Variants in CNTN5 observed in about 807,000 individuals in gnomAD.
CNTN5 encodes the protein contactin-5.
A neutral mutation model predicts 129.1 loss-of-function variants in CNTN5; 77 were observed. That is an observed-to-expected ratio of 0.60 (90% CI 0.50 to 0.72). The LOEUF is 0.72. CNTN5 is among the 30% of genes least tolerant of loss of function. The pLI, the probability that CNTN5 is intolerant of heterozygous loss-of-function variation, is 0.00. For synonymous variants in CNTN5, 509 were observed against 465.6 expected, an observed-to-expected ratio of 1.09 and a Z score of -1.20; for missense variants, 1,478 against 1,328.8, an observed-to-expected ratio of 1.11 and a Z score of -1.75.
chr11:100,235,784 G>A (rs1949600896), intron 16 of CNTN5, among the ~76,000 whole-genome samples: 1 of 152,120 alleles, frequency 6.6e-6, no homozygotes, highest in Non-Finnish European at 1.5e-5. Context: ...GTTGTCCCAT[G>A]ATGAATGCCC....
chr11:100,089,854 T>C (rs1330686388), intron 13 of CNTN5, among the ~76,000 whole-genome samples: 1 of 151,636 alleles, frequency 6.6e-6, no homozygotes, highest in Non-Finnish European at 1.5e-5. Flanking sequence ...TGAAAACAGA[T>C]GAACACAGGG....
intron 18 of CNTN5, among the ~76,000 whole-genome samples, chr11:100,278,045 A>G (rs1453404777): frequency 1.3e-5 from 2 of 152,114 alleles, no homozygotes; most frequent in Non-Finnish European, 2.9e-5. Context: ...CAGTTTTCCC[A>G]GAACTATTTA....
rs1229616296 is a variant in CNTN5, at chr11:100,207,017, T to C, written c.1884+13354T>C. ...CAATGTCAGGAAAAATGTGATAACT[T>C]TGTTCACTTTGCAAACACTTAATGG... On this transcript the variant is annotated intron_variant, in intron 15 of 24. Coordinates refer to ENST00000524871, the MANE Select transcript of CNTN5 (RefSeq NM_014361.4). 5.5e-4 allele frequency among the ~76,000 whole-genome samples: 83 copies of C among 152,118 alleles called. 1 individual carries two copies. Among genetic ancestry groups the C allele is most frequent in the Non-Finnish European group, 4.4e-5 (3 of 67,984 alleles).
At chr11:99,705,795 A>C (rs965370575) in intron 3 of CNTN5, among the ~76,000 whole-genome samples, 12 of 151,366 alleles carry the variant, frequency 7.9e-5, no homozygotes, top group Non-Finnish European at 1.5e-5. Context: ...TTTTGAACAG[A>C]GACTGTGGAG....
At chr11:99,797,914 T>A (rs1458603277) in intron 3 of CNTN5, among the ~76,000 whole-genome samples, 1 of 152,194 alleles carries the variant, frequency 6.6e-6, no homozygotes, top group Non-Finnish European at 1.5e-5. Context: ...TAAAATCATT[T>A]AAAAATATAG....
chr11:99,647,393 C>T (rs561973357), intron 3 of CNTN5, among the ~76,000 whole-genome samples: 1 of 152,018 alleles, frequency 6.6e-6, no homozygotes, highest in South Asian at 2.1e-4. Flanking sequence ...TTCCATTGGT[C>T]TATGTGTTTG....
intron 2 of CNTN5, among the ~76,000 whole-genome samples, chr11:99,353,127 A>G (rs1185344483): frequency 1.3e-5 from 2 of 152,166 alleles, no homozygotes; most frequent in African/African-American, 4.8e-5. Context: ...GGAAATAGAA[A>G]GACACTATAC....
chr11:100,212,726 A>AT lies in CNTN5; in HGVS notation c.1885-11959dup, dbSNP rs1009224422. The stretch of plus-strand genomic sequence containing the variant: ...CTTTATCTAGTTCTAAAGTTTGGTG[A>AT]TTTTTTTCATTTATATTCAAAAAGT... On this transcript the variant is annotated intron_variant, in intron 15 of 24. Transcript: ENST00000524871. Among the ~76,000 whole-genome samples, 125 of 151,964 alleles carry AT rather than the reference A, an allele frequency of 8.2e-4. 1 individual carries two copies. The highest frequency in any genetic ancestry group is 1.4e-3 in the Non-Finnish European group (96 of 67,952).
intron 9 of CNTN5, among the ~76,000 whole-genome samples, chr11:100,011,660 A>G (rs770570): frequency 0.043 from 6,510 of 152,252 alleles, 487 homozygotes; most frequent in African/African-American, 0.15. Flanking sequence ...TCTTTCAGAT[A>G]CCATTTACAA....
chr11:99,088,489 G>C (rs1866092653), intron 1 of CNTN5, among the ~76,000 whole-genome samples: 1 of 152,056 alleles, frequency 6.6e-6, no homozygotes, highest in Admixed American at 6.6e-5. Flanking sequence ...TAAAAATAAG[G>C]TATAAATCTT....
chr11:99,617,373 A>G (rs769600497), intron 3 of CNTN5, among the ~76,000 whole-genome samples: 8 of 152,154 alleles, frequency 5.3e-5, no homozygotes, highest in Admixed American at 2.0e-4. Flanking sequence ...ATAATAGTAC[A>G]TTTTCAAGGA....
At chr11:99,759,601 G>A (rs1012057302) in intron 3 of CNTN5, among the ~76,000 whole-genome samples, 1 of 151,638 alleles carries the variant, frequency 6.6e-6, no homozygotes, top group African/African-American at 2.4e-5. Context: ...ATTAATTCAG[G>A]TGTGAAGTCA....
intron 3 of CNTN5, among the ~76,000 whole-genome samples, chr11:99,700,671 C>T (rs1179739945): frequency 6.6e-5 from 10 of 151,314 alleles, no homozygotes; most frequent in Middle Eastern, 3.4e-3. Flanking sequence ...GGCCGAGTAA[C>T]GGTAAAAGAA....
At chr11:99,725,491 T>A (rs1021368709) in intron 3 of CNTN5, among the ~76,000 whole-genome samples, 2 of 151,808 alleles carry the variant, frequency 1.3e-5, no homozygotes, top group Admixed American at 1.3e-4. Flanking sequence ...AATACAGAAG[T>A]GTTTTATAAA....
intron 9 of CNTN5, among the ~76,000 whole-genome samples, chr11:100,054,618 T>C (rs769340844): frequency 1.3e-5 from 2 of 151,838 alleles, no homozygotes; most frequent in Non-Finnish European, 3.0e-5. Flanking sequence ...TTCTCCAGTA[T>C]GCATTCGTTT....
At chr11:99,099,413 T>C (rs906859930) in intron 1 of CNTN5, among the ~76,000 whole-genome samples, 1 of 152,130 alleles carries the variant, frequency 6.6e-6, no homozygotes, top group Non-Finnish European at 1.5e-5. Flanking sequence ...CTGAGTCTTT[T>C]CTACTGTGTA....
At chr11:99,755,406 G>T (rs1486123591) in intron 3 of CNTN5, among the ~76,000 whole-genome samples, 1 of 152,114 alleles carries the variant, frequency 6.6e-6, no homozygotes, top group African/African-American at 2.4e-5. Flanking sequence ...CAGTGTTCTA[G>T]ATTTTGGGCA....
At chr11:100,235,481 G>GTAGA (rs1949592378) in intron 16 of CNTN5, among the ~76,000 whole-genome samples, 1 of 152,140 alleles carries the variant, frequency 6.6e-6, no homozygotes, top group South Asian at 2.1e-4. Context: ...AGGCGGTAAG[G>GTAGA]TAGATGATGG....
chr11:99,724,649 A>T (rs975731562), intron 3 of CNTN5, among the ~76,000 whole-genome samples: 1 of 152,210 alleles, frequency 6.6e-6, no homozygotes, highest in Admixed American at 6.5e-5. Context: ...TTGAATCCAG[A>T]CAGCCTGGTT....
Sources: allele counts gnomAD v4.1 joint callset (sites outside exome capture counted in the v4.1 genomes callset), GRCh38; gene constraint gnomAD v4.1.1; transcripts MANE v1.5; gene names NCBI Gene and HGNC (gene_info 2026-07-23, HGNC 2026-07-21).